The following SEMA6D variants were observed in gnomAD, a reference collection of about 807,000 sequenced individuals.
The protein encoded by SEMA6D is semaphorin 6D, also known as semaphorin-6D.
SEMA6D carries 35 observed loss-of-function variants against 106.6 expected under a neutral mutation model. The observed-to-expected ratio is 0.33, with a 90% confidence interval of 0.25 to 0.44. The LOEUF (loss-of-function observed/expected upper bound fraction) is 0.44, where lower values mean the gene tolerates loss of function less well. Among genes scored for constraint, SEMA6D ranks in the 20% least tolerant of loss-of-function variants. The probability of loss-of-function intolerance (pLI) is 1.00; values close to 1 mark genes in which losing one functional copy is unlikely to be tolerated. For synonymous variants in SEMA6D, 499 were observed against 487.7 expected, an observed-to-expected ratio of 1.02 and a Z score of -0.31; for missense variants, 1,185 against 1,345.9, an observed-to-expected ratio of 0.88 and a Z score of 1.87.
intron 3 of SEMA6D, among the ~76,000 whole-genome samples, chr15:47,580,626 A>C (rs2076239518): frequency 6.6e-6 from 1 of 152,266 alleles, no homozygotes; most frequent in Admixed American, 6.5e-5. Flanking sequence ...CGAAAAAAAA[A>C]CCCATTCATT....
At chr15:47,354,578 C>T (rs684298) in intron 1 of SEMA6D, among the ~76,000 whole-genome samples, 71,170 of 149,400 alleles carry the variant, frequency 0.48, 20,176 homozygotes, top group Non-Finnish European at 0.62. Context: ...TATATATATA[C>T]ACACACATAT....
intron 2 of SEMA6D, among the ~76,000 whole-genome samples, chr15:47,414,607 T>A (rs1055790858): frequency 2.0e-5 from 3 of 152,198 alleles, no homozygotes; most frequent in Non-Finnish European, 4.4e-5. Flanking sequence ...AGTGAAAGTC[T>A]ACAAAAGAAA....
intron 4 of SEMA6D, among the ~76,000 whole-genome samples, chr15:47,694,615 G>A (rs2078661159): frequency 6.6e-6 from 1 of 151,992 alleles, no homozygotes; most frequent in African/African-American, 2.4e-5. Context: ...AGGTTTACAG[G>A]CCTGTGGCTT....
intron 4 of SEMA6D, among the ~76,000 whole-genome samples, chr15:47,674,737 C>T (rs947685453): frequency 3.9e-5 from 6 of 152,162 alleles, no homozygotes; most frequent in Admixed American, 1.3e-4. Flanking sequence ...AGGAGGATGG[C>T]GCTTTTGTAG....
At chr15:47,716,226 C>T (rs1201354348), upstream of SEMA6D, among the ~76,000 whole-genome samples, 3 of 152,202 alleles carry the variant, frequency 2.0e-5, no homozygotes, top group Admixed American at 6.5e-5. Context: ...TCATCCTTCT[C>T]TCCCCTTCTT....
rs752794084 is a variant in SEMA6D at position 47,770,978 on chromosome 15, C to G, written c.2415C>G (p.Thr805=). Reference sequence around the variant, plus strand: ...GCCATGGAGCTTCAAGGAAAGAAACCCCTCAGTTTTTTCCGTCTAGTCCGC... The same window carrying G: ...GCCATGGAGCTTCAAGGAAAGAAACGCCTCAGTTTTTTCCGTCTAGTCCGC... ...AHGHGASRKE[T]PQFFPSSPPP... The change falls in exon 19 of 19, where the codon ACC becomes ACG. Residue 805 remains threonine (T), a synonymous_variant. Coordinates refer to ENST00000536845, the MANE Select transcript of SEMA6D (RefSeq NM_001358351.3). The G allele has an allele frequency of 1.2e-5, 19 of 1,613,886 alleles. No individual in the cohort carries two copies. The East Asian group carries it at 3.6e-4, about 30-fold the overall frequency.
chr15:47,463,541 C>A (rs968675521), intron 2 of SEMA6D, among the ~76,000 whole-genome samples: 4 of 152,172 alleles, frequency 2.6e-5, no homozygotes, highest in African/African-American at 9.6e-5. Context: ...AGCTGAAGCA[C>A]ATGTGTGCGT....
intron 2 of SEMA6D, among the ~76,000 whole-genome samples, chr15:47,424,034 A>C (rs921274787): frequency 1.3e-5 from 2 of 152,120 alleles, no homozygotes; most frequent in Non-Finnish European, 2.9e-5. Flanking sequence ...TGAGTCATGG[A>C]ATTTTGCAAC....
At chr15:47,710,655 C>T (rs964691847) in intron 4 of SEMA6D, among the ~76,000 whole-genome samples, 7 of 152,116 alleles carry the variant, frequency 4.6e-5, no homozygotes, top group African/African-American at 1.7e-4. Flanking sequence ...AGCCAGCCAT[C>T]GAATACAACT....
At chr15:47,694,965 C>T (rs1300529358) in intron 4 of SEMA6D, among the ~76,000 whole-genome samples, 1 of 152,126 alleles carries the variant, frequency 6.6e-6, no homozygotes, top group Non-Finnish European at 1.5e-5. Context: ...GGCATGTGAG[C>T]AGGGCATTGC....
intron 2 of SEMA6D, among the ~76,000 whole-genome samples, chr15:47,458,241 T>G (rs1451208446): frequency 2.0e-5 from 3 of 151,990 alleles, no homozygotes; most frequent in Non-Finnish European, 4.4e-5. Context: ...ATTGGAGGTT[T>G]TCACCATATA....
At chr15:47,704,123 T>C (rs904659103) in intron 4 of SEMA6D, among the ~76,000 whole-genome samples, 1 of 152,198 alleles carries the variant, frequency 6.6e-6, no homozygotes, top group Non-Finnish European at 1.5e-5. Context: ...TATTTTTATC[T>C]GTCAGTATAT....
chr15:47,510,641 C>A (rs541546425), intron 3 of SEMA6D, among the ~76,000 whole-genome samples: 2 of 152,124 alleles, frequency 1.3e-5, no homozygotes, highest in African/African-American at 4.8e-5. Flanking sequence ...CAACATAAGA[C>A]GGCCAGAATG....
At chr15:47,616,629 AGGTATTTATGTG>A (rs2077012680) in intron 4 of SEMA6D, among the ~76,000 whole-genome samples, 1 of 151,284 alleles carries the variant, frequency 6.6e-6, no homozygotes, top group Admixed American at 6.6e-5. Flanking sequence ...TTAAGTGTGT[AGGTATTTATGTG>A]GGTAAATGAT....
At chr15:47,487,233 A>T (rs1002065998) in intron 3 of SEMA6D, among the ~76,000 whole-genome samples, 32 of 152,184 alleles carry the variant, frequency 2.1e-4, no homozygotes, top group African/African-American at 7.5e-4. Context: ...TGTAATCGGC[A>T]TCCCCATAAG....
chr15:47,193,871 T>C (rs1188578376), intron 1 of SEMA6D, among the ~76,000 whole-genome samples: 2 of 152,152 alleles, frequency 1.3e-5, no homozygotes, highest in Non-Finnish European at 1.5e-5. Context: ...CCTTATTGTC[T>C]CTTTAATAGA....
At chr15:47,184,210 G>C (rs1411317409) in exon 1 of SEMA6D, 3 of 152,922 alleles carry the variant, frequency 2.0e-5, no homozygotes, top group African/African-American at 7.2e-5. Context: ...AGACCCACCA[G>C]GACTAGGAGG....
intron 1 of SEMA6D, chr15:47,395,790 G>A (rs566035023): frequency 1.3e-5 from 2 of 152,338 alleles, no homozygotes; most frequent in South Asian, 2.1e-4. Context: ...CTAGCATAGA[G>A]GGCAGGCACA....
intron 1 of SEMA6D, among the ~76,000 whole-genome samples, chr15:47,401,926 A>C (rs986041209): frequency 3.9e-5 from 6 of 152,234 alleles, no homozygotes. Flanking sequence ...GAGCCCTTCA[A>C]AAATAGTTAA....
Sources: allele counts gnomAD v4.1 joint callset (sites outside exome capture counted in the v4.1 genomes callset), GRCh38; gene constraint gnomAD v4.1.1; transcripts MANE v1.5; gene names NCBI Gene and HGNC (gene_info 2026-07-23, HGNC 2026-07-21).